The following CACNB2 variants were observed in gnomAD, a reference collection of about 807,000 sequenced individuals.
The protein encoded by CACNB2 is voltage-dependent L-type calcium channel subunit beta-2.
A neutral mutation model predicts 73.3 loss-of-function variants in CACNB2; 42 were observed. The ratio of observed to expected loss-of-function variants is 0.57; its 90% CI spans 0.45 to 0.74. The LOEUF (loss-of-function observed/expected upper bound fraction) is 0.74. Among genes scored for constraint, CACNB2 ranks in the 30% least tolerant of loss-of-function variants. The pLI is 0.00. For synonymous variants in CACNB2, 348 were observed against 310.3 expected (o/e 1.12, Z -1.28); for missense variants, 940 against 853.0 (o/e 1.10, Z -1.27).
chr10:18,407,553 C>T (rs570144787), intron 3 of CACNB2, among the ~76,000 whole-genome samples: 2 of 152,176 alleles, frequency 1.3e-5, no homozygotes, highest in Non-Finnish European at 1.5e-5. Context: ...TTGTACTTGG[C>T]TTCTCATGCA....
intron 2 of CACNB2, among the ~76,000 whole-genome samples, chr10:18,221,120 G>A (rs761512456): frequency 6.6e-6 from 1 of 152,322 alleles, no homozygotes; most frequent in African/African-American, 2.4e-5. Context: ...GGGCAGCCAG[G>A]CCACTTTATG....
intron 2 of CACNB2, among the ~76,000 whole-genome samples, chr10:18,253,904 G>C (rs2037181251): frequency 6.6e-6 from 1 of 152,124 alleles, no homozygotes; most frequent in African/African-American, 2.4e-5. Context: ...TTCTTGTTTA[G>C]AATCTGAATG....
intron 2 of CACNB2, chr10:18,238,321 G>C (rs904920430): frequency 2.0e-5 from 3 of 152,110 alleles, no homozygotes; most frequent in Admixed American, 1.3e-4. Flanking sequence ...GCTTTTGATA[G>C]CAAGTATTCC....
At chr10:18,271,778 T>C (rs894464595) in intron 2 of CACNB2, among the ~76,000 whole-genome samples, 2 of 152,198 alleles carry the variant, frequency 1.3e-5, no homozygotes, top group African/African-American at 4.8e-5. Flanking sequence ...TTCCTTGGTA[T>C]TACATTGAGA....
At chr10:18,494,206 A>G (rs1309869442) in intron 3 of CACNB2, among the ~76,000 whole-genome samples, 1 of 152,188 alleles carries the variant, frequency 6.6e-6, no homozygotes, top group Non-Finnish European at 1.5e-5. Context: ...ATGATTGAAA[A>G]GTGATAAAAA....
At position 18,140,677 on chromosome 10, in the gene CACNB2, G is replaced by A. The variant is rs1035354071; in HGVS notation, c.-60G>A. The A allele has an allele frequency of 1.4e-6, 2 of 1,449,402 alleles. No homozygotes were observed. The highest frequency in any genetic ancestry group is 4.7e-5 in the East Asian group (2 of 42,254). 89.8% of individuals were successfully genotyped at this position (1,449,402 alleles called of 1,614,324 possible). ...GATCAGAGCGCGGGGAGGCGGGGGC[G>A]AGGAGGAGGGGACCCGCCGCCGGGG... is the stretch of plus-strand genomic sequence containing the variant. On this transcript the variant is annotated 5_prime_UTR_variant, in exon 1 of 14. Transcript: ENST00000324631.
At chr10:18,531,167 C>G (rs569936086) in intron 10 of CACNB2, among the ~76,000 whole-genome samples, 2 of 152,160 alleles carry the variant, frequency 1.3e-5, no homozygotes, top group Non-Finnish European at 2.9e-5. Flanking sequence ...CAACACTAGC[C>G]GCAATGAAAG....
chr10:18,363,457 C>T (rs547381848), intron 2 of CACNB2, among the ~76,000 whole-genome samples: 2 of 152,168 alleles, frequency 1.3e-5, no homozygotes, highest in African/African-American at 4.8e-5. Flanking sequence ...ATCCTCTGAT[C>T]CTCAGTGCCA....
intron 2 of CACNB2, among the ~76,000 whole-genome samples, chr10:18,204,259 G>T (rs2035003817): frequency 6.6e-6 from 1 of 152,118 alleles, no homozygotes; most frequent in African/African-American, 2.4e-5. Flanking sequence ...GTAAACTTTT[G>T]TATAAAGTGT....
At chr10:18,263,069 G>A (rs2489220) in intron 2 of CACNB2, among the ~76,000 whole-genome samples, 61,654 of 151,926 alleles carry the variant, frequency 0.41, 12,957 homozygotes, top group East Asian at 0.59. Context: ...ATAAATTTTC[G>A]TTTACTTTAG....
intron 4 of CACNB2, among the ~76,000 whole-genome samples, chr10:18,499,388 T>A (rs549965926): frequency 2.6e-5 from 4 of 151,902 alleles, no homozygotes; most frequent in Non-Finnish European, 2.9e-5. Context: ...GAGGCCAAGG[T>A]GGGCGGATCA....
chr10:18,196,235 T>G (rs1944226250), intron 2 of CACNB2, among the ~76,000 whole-genome samples: 1 of 152,084 alleles, frequency 6.6e-6, no homozygotes, highest in Admixed American at 6.6e-5. Context: ...CAAAGTTGAC[T>G]TTAACCGACA....
intron 3 of CACNB2, among the ~76,000 whole-genome samples, chr10:18,455,104 G>A (rs1263527979): frequency 1.3e-5 from 2 of 150,874 alleles, no homozygotes; most frequent in African/African-American, 4.9e-5. Context: ...AAGTCATAAT[G>A]AGAGTTCACA....
chr10:18,185,976 G>A (rs1031166867), intron 2 of CACNB2, among the ~76,000 whole-genome samples: 1 of 151,994 alleles, frequency 6.6e-6, no homozygotes, highest in Admixed American at 6.6e-5. Context: ...GCTGGTGGGA[G>A]GTGTTACTCA....
chr10:18,158,277 T>G (rs1588574344), intron 2 of CACNB2, among the ~76,000 whole-genome samples: 1 of 152,346 alleles, frequency 6.6e-6, no homozygotes, highest in Admixed American at 6.5e-5. Flanking sequence ...TAGAAATTGC[T>G]TTCCAGTTCA....
intron 2 of CACNB2, among the ~76,000 whole-genome samples, chr10:18,270,117 A>C (rs2037986649): frequency 6.6e-6 from 1 of 152,200 alleles, no homozygotes; most frequent in Non-Finnish European, 1.5e-5. Flanking sequence ...GGTAGACCTC[A>C]GGAAACTTAC....
At chr10:18,439,815 C>T (rs2046323755) in intron 3 of CACNB2, among the ~76,000 whole-genome samples, 1 of 152,208 alleles carries the variant, frequency 6.6e-6, no homozygotes, top group South Asian at 2.1e-4. Context: ...CTTCTGCCTA[C>T]TGCATGCCAG....
At chr10:18,423,122 G>A (rs968389914) in intron 3 of CACNB2, among the ~76,000 whole-genome samples, 1 of 137,458 alleles carries the variant, frequency 7.3e-6, no homozygotes, top group Admixed American at 7.5e-5. Flanking sequence ...ATCATATTTT[G>A]CCATCTTTAT....
At chr10:18,163,657 C>G (rs1350544808) in intron 2 of CACNB2, among the ~76,000 whole-genome samples, 1 of 152,118 alleles carries the variant, frequency 6.6e-6, no homozygotes, top group African/African-American at 2.4e-5. Context: ...AGTTAGTGAA[C>G]CTACAGAAAG....
Sources: allele counts gnomAD v4.1 joint callset (sites outside exome capture counted in the v4.1 genomes callset), GRCh38; gene constraint gnomAD v4.1.1; transcripts MANE v1.5; gene names NCBI Gene and HGNC (gene_info 2026-07-23, HGNC 2026-07-21).